The following ZNF423 variants were observed in gnomAD, a reference collection of about 807,000 sequenced individuals.
ZNF423 encodes the protein zinc finger protein 423.
A neutral mutation model predicts 95.8 loss-of-function variants in ZNF423; 12 were observed. The ratio of observed to expected loss-of-function variants is 0.13; its 90% confidence interval spans 0.08 to 0.20. The LOEUF (loss-of-function observed/expected upper bound fraction) is 0.20. Ranked by LOEUF, ZNF423 falls within the 10% of genes least tolerant of loss-of-function variation. ZNF423 has a pLI of 1.00. For synonymous variants in ZNF423, 749 were observed against 711.9 expected, an observed-to-expected ratio of 1.05 and a Z score of -0.83; for missense variants, 1,316 against 1,737.1, an observed-to-expected ratio of 0.76 and a Z score of 4.31.
intron 2 of ZNF423, among the ~76,000 whole-genome samples, chr16:49,751,949 C>A (rs1308635042): frequency 6.6e-6 from 1 of 152,216 alleles, no homozygotes; most frequent in African/African-American, 2.4e-5. Context: ...GAGGCCCCCA[C>A]AGCCCAGGGA....
At position 49,556,213 on chromosome 16, in the gene ZNF423, C is replaced by G. The variant is rs568221328; in HGVS notation, c.3602-30719G>C. 1.1e-4 allele frequency among the ~76,000 whole-genome samples: 17 copies of G among 152,350 alleles called. No individual in the cohort carries two copies. The East Asian group carries it at 3.3e-3, about 29-fold the overall frequency. ...CACATACAGAAAGAGGCAGTCCATG[C>G]AGCTTGCCCAAAATACCTGCTCTCA... On this transcript the variant is annotated intron_variant, in intron 5 of 7. Coordinates refer to ENST00000563137, the MANE Select transcript of ZNF423 (RefSeq NM_001379286.1).
At chr16:49,571,514 G>A (rs1335271852) in intron 5 of ZNF423, among the ~76,000 whole-genome samples, 1 of 152,154 alleles carries the variant, frequency 6.6e-6, no homozygotes, top group Non-Finnish European at 1.5e-5. Flanking sequence ...AATGCAGAGT[G>A]AGGGGCAAGT....
chr16:49,692,644 A>C (rs771367417), intron 3 of ZNF423, among the ~76,000 whole-genome samples: 1 of 152,204 alleles, frequency 6.6e-6, no homozygotes, highest in Admixed American at 6.5e-5. Flanking sequence ...AGCTTGGAGA[A>C]AGGATGAGGA....
In ZNF423 at chr16:49,525,462, T is replaced by C. The variant is rs1567443780; in HGVS notation, c.3634A>G (p.Asn1212Asp). The C allele has an allele frequency of 6.2e-7, 1 of 1,614,042 alleles. No individual in the cohort carries two copies. The highest frequency in any genetic ancestry group is 8.5e-7 in the Non-Finnish European group (1 of 1,179,962). The change falls in exon 6 of 8, where the codon AAC becomes GAC. Residue 1212 changes from asparagine to aspartate, a missense_variant. This residue lies in a region of ZNF423 where 75 missense variants were observed against 163.5 expected (regional missense o/e 0.46). Transcript: ENST00000563137. ...EGINHECKLC[N>D]QMFDSPAKLL... The stretch of plus-strand genomic sequence containing the variant: ...TTGGCCGGGGAGTCGAACATCTGGT[T>C]GCACAGCTTACACTCGTGGTTGATG...
At chr16:49,536,470 G>T (rs1447467426) in intron 5 of ZNF423, among the ~76,000 whole-genome samples, 1 of 149,530 alleles carries the variant, frequency 6.7e-6, no homozygotes, top group Non-Finnish European at 1.5e-5. Context: ...CTGGGACAGG[G>T]TCTCACTGTT....
chr16:49,700,463 C>G (rs1292467657), intron 3 of ZNF423, among the ~76,000 whole-genome samples: 1 of 152,184 alleles, frequency 6.6e-6, no homozygotes, highest in Non-Finnish European at 1.5e-5. Flanking sequence ...CCAGGAGGCA[C>G]AGGGCTTCCT....
At chr16:49,630,105 A>G (rs774931580) in intron 4 of ZNF423, among the ~76,000 whole-genome samples, 1 of 152,306 alleles carries the variant, frequency 6.6e-6, no homozygotes, top group South Asian at 2.1e-4. Context: ...GGCACTCTGC[A>G]TGGAAAGGCC....
chr16:49,705,850 A>T (rs1432052627), intron 3 of ZNF423, among the ~76,000 whole-genome samples: 5 of 152,192 alleles, frequency 3.3e-5, no homozygotes, highest in African/African-American at 9.6e-5. Context: ...GCCCGGCCCC[A>T]CAGTAAGTTT....
chr16:49,563,317 T>C (rs547141564), intron 5 of ZNF423, among the ~76,000 whole-genome samples: 68 of 152,282 alleles, frequency 4.5e-4, no homozygotes, highest in South Asian at 3.9e-3. Context: ...TCTTGTCACA[T>C]GACCTCTGCA....
rs540511634 is a variant in ZNF423 at position 49,826,609 on chromosome 16, G to A, written c.40+29126C>T. The stretch of plus-strand genomic sequence containing the variant: ...ACCTCATAGAGTTGCTGTGAGAATC[G>A]AAAGAACTGAATAGGGACTGCTTAT... On this transcript the variant is annotated intron_variant, in intron 1 of 7. Transcript: ENST00000563137. 1.1e-4 allele frequency among the ~76,000 whole-genome samples: 16 copies of A among 152,300 alleles called. No individual in the cohort carries two copies. In the East Asian group the frequency reaches 1.3e-3, roughly 13 times the overall value.
chr16:49,794,424 A>T (rs770515190), intron 1 of ZNF423, among the ~76,000 whole-genome samples: 1 of 151,832 alleles, frequency 6.6e-6, no homozygotes, highest in Non-Finnish European at 1.5e-5. Flanking sequence ...CCTGTCGGTC[A>T]CCTTGAGAAT....
intron 5 of ZNF423, among the ~76,000 whole-genome samples, chr16:49,602,209 A>C (rs184708322): frequency 1.7e-4 from 26 of 152,332 alleles, no homozygotes; most frequent in African/African-American, 6.0e-4. Context: ...TGCCTCCGCC[A>C]GGAAGGCCTC....
chr16:49,608,027 T>C (rs549553939), intron 5 of ZNF423, among the ~76,000 whole-genome samples: 263 of 152,298 alleles, frequency 1.7e-3, no homozygotes, highest in African/African-American at 6.0e-3. Context: ...TCTTCAACAC[T>C]GGATCAGTGA....
chr16:49,808,596 C>T lies in ZNF423; in HGVS notation c.41-19050G>A, dbSNP rs111716331. Among the ~76,000 whole-genome samples the T allele has an allele frequency of 7.4e-3, 1,126 of 152,232 alleles. 12 individuals are homozygous for T. Among genetic ancestry groups the T allele is most frequent in the Admixed American group, 0.012 (186 of 15,294 alleles). ...CTAAATGGATCTCCGGGAACCCACT[C>T]AGCCCACTGGAGTTCAGCAAGGGCT... On this transcript the variant is annotated intron_variant, in intron 1 of 7. Transcript: ENST00000563137.
In ZNF423 at chr16:49,790,244, G is replaced by A. The variant is rs1431119229; in HGVS notation, c.41-698C>T. 2.0e-5 allele frequency among the ~76,000 whole-genome samples: 3 copies of A among 152,262 alleles called. No individual in the cohort carries two copies. The East Asian group carries it at 5.8e-4, about 29-fold the overall frequency. ...GGAACTTTGTTTAAGCCAAAAATGT[G>A]CATACACAGTATTTTTCAGATTTAA... On this transcript the variant is annotated intron_variant, in intron 1 of 7. Coordinates refer to ENST00000563137, the MANE Select transcript of ZNF423 (RefSeq NM_001379286.1).
At chr16:49,648,177 A>T (rs1450086621) in intron 3 of ZNF423, among the ~76,000 whole-genome samples, 1 of 152,202 alleles carries the variant, frequency 6.6e-6, no homozygotes, top group African/African-American at 2.4e-5. Context: ...AGGAAGGGGG[A>T]TCCTTGATAC....
At chr16:49,634,207 T>TTTA (rs1972603283) in intron 4 of ZNF423, among the ~76,000 whole-genome samples, 1 of 92,904 alleles carries the variant, frequency 1.1e-5, no homozygotes, top group African/African-American at 3.9e-5. Context: ...CACCTGGCTT[T>TTTA]TTTTTTTTTT....
intron 3 of ZNF423, among the ~76,000 whole-genome samples, chr16:49,683,995 T>C (rs2151940038): frequency 6.6e-6 from 1 of 152,258 alleles, no homozygotes; most frequent in Non-Finnish European, 1.5e-5. Context: ...TGCTTGAGCC[T>C]GGGAGGTTAA....
chr16:49,734,916 G>A (rs1399578532), intron 2 of ZNF423, among the ~76,000 whole-genome samples: 1 of 152,194 alleles, frequency 6.6e-6, no homozygotes, highest in African/African-American at 2.4e-5. Flanking sequence ...TTTTACAGGT[G>A]AGGAAAGCAG....
Sources: gnomAD v4.1 joint callset for allele counts (sites outside exome capture counted in the v4.1 genomes callset) on GRCh38, gnomAD v4.1.1 for gene constraint, gnomAD v4.1.1 regional missense constraint, MANE v1.5 for transcripts, NCBI Gene and HGNC (gene_info 2026-07-23, HGNC 2026-07-21) for gene names.